Variants in STARD13 observed in about 807,000 individuals in gnomAD.
The protein encoded by STARD13 is stAR-related lipid transfer protein 13.
A neutral mutation model predicts 106.4 loss-of-function variants in STARD13; 62 were observed. The ratio of observed to expected loss-of-function variants is 0.58; its 90% CI spans 0.48 to 0.72. STARD13 has a LOEUF of 0.72. Among genes scored for constraint, STARD13 ranks in the 30% least tolerant of loss-of-function variants. The pLI is 0.00. For missense variants in STARD13, 1,387 were observed against 1,424.0 expected (o/e 0.97, Z 0.42); for synonymous variants, 565 against 553.0 (o/e 1.02, Z -0.31).
chr13:33,137,093 C>A (rs1447991067), intron 4 of STARD13, among the ~76,000 whole-genome samples: 1 of 152,112 alleles, frequency 6.6e-6, no homozygotes, highest in African/African-American at 2.4e-5. Flanking sequence ...TCAGTTGAGC[C>A]TAACAATAAA....
At chr13:33,454,436 T>C in the STARD13 span, among the ~76,000 whole-genome samples, 2 of 152,254 alleles carry the variant, frequency 1.3e-5, no homozygotes, top group Non-Finnish European at 1.5e-5. Context: ...TCTTCGTATC[T>C]ACTCTTGGAA....
At chr13:33,376,418 A>G in the STARD13 span, among the ~76,000 whole-genome samples, 2 of 152,294 alleles carry the variant, frequency 1.3e-5, 1 homozygote, top group South Asian at 4.1e-4. Context: ...GGAAGGCAGC[A>G]GGTTGAAGGT....
At chr13:33,587,846 C>T in the STARD13 span, among the ~76,000 whole-genome samples, 1 of 152,124 alleles carries the variant, frequency 6.6e-6, no homozygotes, top group Non-Finnish European at 1.5e-5. Context: ...ATTTTGAAGA[C>T]ATAGTCTAAA....
rs563824120 is a variant in STARD13, at chr13:33,222,084, G to A, written c.170-54462C>T. ...GAACTGCTTGAACCCGGGAGGTAGA[G>A]GTTGCAGTGAGCCGAGATCACACCA... is the stretch of plus-strand genomic sequence containing the variant. On this transcript the variant is annotated intron_variant, in intron 1 of 13. Coordinates refer to ENST00000336934, the MANE Select transcript of STARD13 (RefSeq NM_178006.4). Among the ~76,000 whole-genome samples, 12 of 151,730 alleles carry A rather than the reference G, an allele frequency of 7.9e-5. 1 individual carries two copies. Among genetic ancestry groups the A allele is most frequent in the Middle Eastern group, 3.4e-3 (1 of 294 alleles).
the STARD13 span, among the ~76,000 whole-genome samples, chr13:33,521,386 G>A: frequency 6.6e-6 from 1 of 152,112 alleles, no homozygotes; most frequent in African/African-American, 2.4e-5. Context: ...GTTCATGATA[G>A]TTGAAAGAAT....
chr13:33,537,372 A>G, the STARD13 span, among the ~76,000 whole-genome samples: 2 of 152,370 alleles, frequency 1.3e-5, no homozygotes, highest in Non-Finnish European at 1.5e-5. Flanking sequence ...AACTGTTTGT[A>G]TAAATAATTT....
chr13:33,241,773 C>T (rs371189929), intron 1 of STARD13, among the ~76,000 whole-genome samples: 1 of 152,144 alleles, frequency 6.6e-6, no homozygotes, highest in Non-Finnish European at 1.5e-5. Context: ...AGCTCCTGAC[C>T]GCGAGTGATC....
chr13:33,380,251 C>T, the STARD13 span, among the ~76,000 whole-genome samples: 60 of 151,906 alleles, frequency 3.9e-4, no homozygotes, highest in Admixed American at 6.6e-5. Flanking sequence ...CCCGTCTCTA[C>T]TAAAAATACA....
intron 1 of STARD13, among the ~76,000 whole-genome samples, chr13:33,204,806 A>G (rs939648512): frequency 3.3e-5 from 5 of 152,216 alleles, no homozygotes; most frequent in African/African-American, 1.2e-4. Flanking sequence ...TTTCCCACAC[A>G]TGCTCCAGAG....
At chr13:33,665,338 A>C in the STARD13 span, among the ~76,000 whole-genome samples, 1 of 152,236 alleles carries the variant, frequency 6.6e-6, no homozygotes, top group Non-Finnish European at 1.5e-5. Context: ...AAATCCAAAT[A>C]AACTTTTGAC....
intron 1 of STARD13, among the ~76,000 whole-genome samples, chr13:33,201,616 A>C (rs1887046484): frequency 6.6e-6 from 1 of 152,250 alleles, no homozygotes; most frequent in African/African-American, 2.4e-5. Context: ...CCAGCTCTCC[A>C]TGCAGTCAAT....
chr13:33,571,376 T>G, the STARD13 span, among the ~76,000 whole-genome samples: 1 of 152,298 alleles, frequency 6.6e-6, no homozygotes, highest in East Asian at 1.9e-4. Context: ...AGTTTATTTA[T>G]TTTGCTTTTG....
the STARD13 span, among the ~76,000 whole-genome samples, chr13:33,519,264 CTTTCTTTCT>C: frequency 7.7e-5 from 11 of 143,574 alleles, no homozygotes; most frequent in African/African-American, 2.6e-4. Flanking sequence ...TTCTTTCTTT[CTTTCTTTCT>C]TTTCTTTCTC....
chr13:33,675,797 C>A, the STARD13 span, among the ~76,000 whole-genome samples: 1 of 152,020 alleles, frequency 6.6e-6, no homozygotes, highest in South Asian at 2.1e-4. Flanking sequence ...CTCTAGGGCA[C>A]AAAAAGAAGA....
At chr13:33,630,342 C>G in the STARD13 span, among the ~76,000 whole-genome samples, 1 of 152,250 alleles carries the variant, frequency 6.6e-6, no homozygotes, top group African/African-American at 2.4e-5. Flanking sequence ...GCCCCTGAGA[C>G]CCTCTTTTGG....
At chr13:33,322,716 T>C (rs1470908005) in intron 1 of STARD13, among the ~76,000 whole-genome samples, 1 of 152,240 alleles carries the variant, frequency 6.6e-6, no homozygotes, top group Admixed American at 6.5e-5. Flanking sequence ...ATTTTTCTCT[T>C]GATAAGCCAG....
At chr13:33,564,988 CAAAAAAAA>C in the STARD13 span, among the ~76,000 whole-genome samples, 2 of 47,290 alleles carry the variant, frequency 4.2e-5, no homozygotes, top group South Asian at 6.7e-4. Flanking sequence ...GACTCTGTCT[CAAAAAAAA>C]AAAAAAAAGA....
chr13:33,203,359 T>C (rs750018313), intron 1 of STARD13, among the ~76,000 whole-genome samples: 2 of 152,246 alleles, frequency 1.3e-5, no homozygotes, highest in Admixed American at 6.5e-5. Flanking sequence ...TCTTATATGC[T>C]GCTATGCTAT....
the STARD13 span, among the ~76,000 whole-genome samples, chr13:33,541,458 C>T: frequency 0.22 from 33,344 of 152,024 alleles, 3,986 homozygotes; most frequent in East Asian, 0.42. Context: ...CCCCTAACTT[C>T]TACATAAACA....
Sources: allele counts gnomAD v4.1 joint callset (sites outside exome capture counted in the v4.1 genomes callset), GRCh38; gene constraint gnomAD v4.1.1; transcripts MANE v1.5; gene names NCBI Gene and HGNC (gene_info 2026-07-23, HGNC 2026-07-21).